The following NCOR1 variants were observed in gnomAD, a reference collection of about 807,000 sequenced individuals.
NCOR1 encodes protein phosphatase 1, regulatory subunit 109.
In NCOR1, 63 loss-of-function variants were observed where a neutral mutation model predicts 288.1. The observed-to-expected ratio is 0.22, with a 90% CI of 0.18 to 0.27. The LOEUF (loss-of-function observed/expected upper bound fraction) is 0.27. Among genes scored for constraint, NCOR1 ranks in the 10% least tolerant of loss-of-function variants. The pLI, the probability that NCOR1 is intolerant of heterozygous loss-of-function variation, is 1.00. For synonymous variants in NCOR1, 1,007 were observed against 1,065.9 expected, an observed-to-expected ratio of 0.94 and a Z score of 1.08; for missense variants, 2,397 against 3,019.2, an observed-to-expected ratio of 0.79 and a Z score of 4.83.
chr17:16,037,347 C>T (rs1009413190), intron 44 of NCOR1, among the ~76,000 whole-genome samples: 1 of 151,818 alleles, frequency 6.6e-6, no homozygotes, highest in Non-Finnish European at 1.5e-5. Flanking sequence ...AAAGGAGAGC[C>T]CATGCTATTA....
rs146340964 is a variant in NCOR1 at position 16,056,463 on chromosome 17, C to A, written c.6392+1051G>T. Among the ~76,000 whole-genome samples the A allele has an allele frequency of 3.7e-3, 566 of 152,076 alleles. 8 individuals carry two copies. The highest frequency in any genetic ancestry group is 0.013 in the African/African-American group (526 of 41,494). On this transcript the variant is annotated intron_variant, in intron 40 of 45. Coordinates refer to ENST00000268712, the MANE Select transcript of NCOR1 (RefSeq NM_006311.4). Reference sequence around the variant, plus strand: ...AGTAGCTGGGATTACAGGCACCTGCCATCATGCCTGGCTAATTTTTTTTTT... The same window carrying A: ...AGTAGCTGGGATTACAGGCACCTGCAATCATGCCTGGCTAATTTTTTTTTT...
chr17:16,036,918 A>G (rs1256682684), intron 44 of NCOR1, among the ~76,000 whole-genome samples: 1 of 152,216 alleles, frequency 6.6e-6, no homozygotes, highest in Admixed American at 6.5e-5. Flanking sequence ...TGCATTCACA[A>G]TTTGGCTAAC....
At chr17:16,214,454 T>C (rs1274187032) in intron 1 of NCOR1, among the ~76,000 whole-genome samples, 1 of 152,274 alleles carries the variant, frequency 6.6e-6, no homozygotes, top group Non-Finnish European at 1.5e-5. Flanking sequence ...AATGTAAATT[T>C]CAATATAATT....
At chr17:16,130,654 G>T (rs985747578) in intron 14 of NCOR1, among the ~76,000 whole-genome samples, 1 of 152,080 alleles carries the variant, frequency 6.6e-6, no homozygotes, top group African/African-American at 2.4e-5. Flanking sequence ...AAAGAAAAAA[G>T]TAAAAGTTAA....
At chr17:16,095,843 A>G (rs940326529) in intron 21 of NCOR1, among the ~76,000 whole-genome samples, 1 of 151,966 alleles carries the variant, frequency 6.6e-6, no homozygotes, top group Non-Finnish European at 1.5e-5. Flanking sequence ...CAGCTCATTG[A>G]GAACGGGCCA....
chr17:16,186,197 G>A (rs553319432), intron 3 of NCOR1, among the ~76,000 whole-genome samples: 6 of 152,056 alleles, frequency 3.9e-5, no homozygotes, highest in Non-Finnish European at 7.4e-5. Context: ...GAAAAACTTC[G>A]GCGATAAAAT....
At chr17:16,208,697 A>C (rs1232133226) in intron 1 of NCOR1, among the ~76,000 whole-genome samples, 1 of 152,004 alleles carries the variant, frequency 6.6e-6, no homozygotes, top group Non-Finnish European at 1.5e-5. Flanking sequence ...CAAAATAAAA[A>C]AATTGACCAG....
intron 40 of NCOR1, among the ~76,000 whole-genome samples, chr17:16,051,215 A>C (rs1371364876): frequency 6.6e-6 from 1 of 152,222 alleles, no homozygotes; most frequent in Admixed American, 6.5e-5. Flanking sequence ...AAAAATGAAG[A>C]AATTAGCACA....
At chr17:16,168,432 CT>C (rs1444968282) in intron 4 of NCOR1, among the ~76,000 whole-genome samples, 2 of 151,732 alleles carry the variant, frequency 1.3e-5, no homozygotes, top group African/African-American at 4.8e-5. Flanking sequence ...AACTCCTGAC[CT>C]CTGGTGATCC....
At chr17:16,047,600 A>G (rs1431822703) in intron 41 of NCOR1, among the ~76,000 whole-genome samples, 7 of 152,212 alleles carry the variant, frequency 4.6e-5, no homozygotes, top group Non-Finnish European at 8.8e-5. Context: ...AAAACTGCCT[A>G]TTTGTTACAA....
chr17:16,150,225 G>A (rs2078641042), intron 8 of NCOR1, among the ~76,000 whole-genome samples: 1 of 151,938 alleles, frequency 6.6e-6, no homozygotes, highest in Non-Finnish European at 1.5e-5. Context: ...GTAATTTTTT[G>A]GATTATCTGC....
chr17:16,195,327 C>T (rs1272342893), intron 1 of NCOR1, among the ~76,000 whole-genome samples: 9 of 151,998 alleles, frequency 5.9e-5, no homozygotes, highest in Non-Finnish European at 1.2e-4. Flanking sequence ...AAAAATTAGC[C>T]GGGCACGGTG....
At chr17:16,068,398 A>G (rs1215575858) in intron 31 of NCOR1, 4 of 354,210 alleles carry the variant, frequency 1.1e-5, no homozygotes, top group Non-Finnish European at 2.1e-5. Flanking sequence ...ATAAAATTCA[A>G]TACTCTTCTT....
chr17:16,036,848 T>C lies in NCOR1; in HGVS notation c.6956-1904A>G, dbSNP rs76318995. ...TGTGTCACGAAACACTGTTTTGCTTTATTACCATTTGTGTGTTCACTGGAA... is the reference window on the plus strand; with the variant it reads ...TGTGTCACGAAACACTGTTTTGCTTCATTACCATTTGTGTGTTCACTGGAA... On this transcript the variant is annotated intron_variant, in intron 44 of 45. Transcript: ENST00000268712. Among the ~76,000 whole-genome samples the C allele has an allele frequency of 6.7e-3, 1,022 of 152,352 alleles. 14 individuals carry two copies. Among genetic ancestry groups the C allele is most frequent in the African/African-American group, 0.024 (987 of 41,586 alleles).
chr17:16,070,550 C>A, intron 30 of NCOR1, 25 bp from the exon 31 acceptor site: 1 of 1,601,384 alleles, frequency 6.2e-7, no homozygotes, highest in South Asian at 1.1e-5. Context: ...ACAAACATTA[C>A]AGGTAGCAAA....
At chr17:16,092,678 TATATA>T (rs2065506425) in intron 21 of NCOR1, among the ~76,000 whole-genome samples, 1 of 25,012 alleles carries the variant, frequency 4.0e-5, no homozygotes, top group African/African-American at 2.3e-4. Context: ...TATATATATA[TATATA>T]TATATATATA....
At chr17:16,040,546 C>T (rs2057367242) in intron 42 of NCOR1, 52 bp from the exon 43 acceptor site, 2 of 1,474,800 alleles carry the variant, frequency 1.4e-6, no homozygotes, top group Non-Finnish European at 1.9e-6. Context: ...TCATATATAC[C>T]AAACTAAAGT....
chr17:16,169,751 T>C (rs1200111858), intron 4 of NCOR1, among the ~76,000 whole-genome samples: 2 of 152,332 alleles, frequency 1.3e-5, no homozygotes, highest in Non-Finnish European at 1.5e-5. Context: ...TTAAGACACT[T>C]TTCTGCTAAA....
intron 6 of NCOR1, 45 bp downstream of exon 6, chr17:16,158,715 A>G: frequency 8.4e-7 from 1 of 1,194,642 alleles, no homozygotes; most frequent in Non-Finnish European, 1.2e-6. Flanking sequence ...GGGCATCGTC[A>G]AGTGGGGTTA....
Sources: allele counts gnomAD v4.1 joint callset (sites outside exome capture counted in the v4.1 genomes callset), GRCh38; gene constraint gnomAD v4.1.1; transcripts MANE v1.5; gene names NCBI Gene and HGNC (gene_info 2026-07-23, HGNC 2026-07-21).